Variants in MGAT5 observed in about 807,000 individuals in gnomAD.
MGAT5 encodes the protein alpha-1,6-mannosylglycoprotein 6-beta-N-acetylglucosaminyltransferase A.
Under a neutral mutation model 94.3 loss-of-function variants are expected in MGAT5, and 30 were observed. The observed-to-expected ratio is 0.32, with a 90% CI of 0.24 to 0.43. The LOEUF (loss-of-function observed/expected upper bound fraction) is 0.43, where lower values mean the gene tolerates loss of function less well. MGAT5 is among the 20% of genes least tolerant of loss of function. MGAT5 has a pLI of 1.00. For synonymous variants in MGAT5, 310 were observed against 322.9 expected, an observed-to-expected ratio of 0.96 and a Z score of 0.43; for missense variants, 691 against 905.5, an observed-to-expected ratio of 0.76 and a Z score of 3.04.
At chr2:134,409,103 C>G (rs183127479) in intron 11 of MGAT5, among the ~76,000 whole-genome samples, 1 of 152,136 alleles carries the variant, frequency 6.6e-6, no homozygotes, top group Non-Finnish European at 1.5e-5. Context: ...CTCCTGCACA[C>G]GTAAACTCCG....
intron 1 of MGAT5, among the ~76,000 whole-genome samples, chr2:134,130,584 T>C (rs926049863): frequency 2.6e-4 from 40 of 151,892 alleles, no homozygotes; most frequent in African/African-American, 7.5e-4. Context: ...ATCAGCACTT[T>C]GTATCTAGCT....
At chr2:134,332,127 C>A (rs994760363) in intron 4 of MGAT5, among the ~76,000 whole-genome samples, 9 of 152,056 alleles carry the variant, frequency 5.9e-5, no homozygotes, top group African/African-American at 2.2e-4. Context: ...CCTGCATCAC[C>A]AAGTCAATCC....
intron 1 of MGAT5, among the ~76,000 whole-genome samples, chr2:134,181,580 T>C (rs866476279): frequency 6.6e-6 from 1 of 152,208 alleles, no homozygotes; most frequent in African/African-American, 2.4e-5. Context: ...TTACAATGCA[T>C]GTGCAGTTCT....
Position 134,343,618 on chromosome 2 carries a change from A to G in MGAT5, c.978-1312A>G, listed in dbSNP as rs532689589. Among the ~76,000 whole-genome samples the G allele has an allele frequency of 4.6e-5, 7 of 152,328 alleles. No individual in the cohort carries two copies. The East Asian group carries it at 1.4e-3, about 29-fold the overall frequency. On this transcript the variant is annotated intron_variant, in intron 7 of 15. Coordinates refer to ENST00000281923, the MANE Select transcript of MGAT5 (RefSeq NM_002410.5). ...CCATAGACCATGCCATAGGCTAATT[A>G]GATCACAACCCTTGGGGGTAGGACA...
intron 1 of MGAT5, among the ~76,000 whole-genome samples, chr2:134,136,755 G>T (rs1211416805): frequency 6.6e-6 from 1 of 152,124 alleles, no homozygotes; most frequent in Non-Finnish European, 1.5e-5. Flanking sequence ...GTGTGTTCTA[G>T]ACCCTGCACA....
chr2:134,379,549 G>A (rs1192979677), intron 10 of MGAT5, among the ~76,000 whole-genome samples: 1 of 152,190 alleles, frequency 6.6e-6, no homozygotes, highest in African/African-American at 2.4e-5. Context: ...CAGCCCGCCA[G>A]CACCTGCAAG....
At chr2:134,177,742 A>C (rs1688547252) in intron 1 of MGAT5, among the ~76,000 whole-genome samples, 1 of 152,242 alleles carries the variant, frequency 6.6e-6, no homozygotes, top group African/African-American at 2.4e-5. Context: ...CTCAGAATTA[A>C]TGGCCAGTGC....
chr2:134,223,453 C>T (rs1680893346), intron 1 of MGAT5, among the ~76,000 whole-genome samples: 1 of 152,028 alleles, frequency 6.6e-6, no homozygotes, highest in South Asian at 2.1e-4. Flanking sequence ...GGAAGTAAAA[C>T]ATTTATATTT....
At chr2:134,343,870 G>A (rs1287862905) in intron 7 of MGAT5, among the ~76,000 whole-genome samples, 1 of 150,826 alleles carries the variant, frequency 6.6e-6, no homozygotes, top group Non-Finnish European at 1.5e-5. Flanking sequence ...GGCCAGTTGT[G>A]ACTGAAAATG....
chr2:134,312,210 G>C (rs1014426151), intron 2 of MGAT5, among the ~76,000 whole-genome samples: 1 of 152,120 alleles, frequency 6.6e-6, no homozygotes, highest in African/African-American at 2.4e-5. Context: ...CTCCAACCTA[G>C]GTGACAGAGC....
chr2:134,194,099 A>G (rs890734714), intron 1 of MGAT5, among the ~76,000 whole-genome samples: 3 of 152,144 alleles, frequency 2.0e-5, no homozygotes, highest in Admixed American at 6.5e-5. Flanking sequence ...GGCAATTTGC[A>G]TTTGTTTCTT....
intron 10 of MGAT5, among the ~76,000 whole-genome samples, chr2:134,378,526 T>C (rs531143208): frequency 6.6e-6 from 1 of 152,298 alleles, no homozygotes; most frequent in African/African-American, 2.4e-5. Context: ...CTGTGCTCTT[T>C]TACTGGACAT....
intron 1 of MGAT5, among the ~76,000 whole-genome samples, chr2:134,246,707 G>A (rs376334854): frequency 1.3e-5 from 2 of 152,148 alleles, no homozygotes; most frequent in African/African-American, 4.8e-5. Context: ...CTGAGTTTCC[G>A]CATGCAGCTG....
intron 1 of MGAT5, among the ~76,000 whole-genome samples, chr2:134,266,279 G>A (rs551309408): frequency 6.7e-4 from 102 of 152,150 alleles, no homozygotes; most frequent in Non-Finnish European, 1.2e-3. Flanking sequence ...GGAGTGCAGC[G>A]GTGCAATCTT....
intron 1 of MGAT5, among the ~76,000 whole-genome samples, chr2:134,267,310 G>C (rs1175802275): frequency 1.3e-5 from 2 of 152,206 alleles, no homozygotes; most frequent in Non-Finnish European, 2.9e-5. Flanking sequence ...TAGCCTCTCT[G>C]TGCTGTGATT....
chr2:134,280,308 C>T (rs545060077), intron 2 of MGAT5, among the ~76,000 whole-genome samples: 2 of 152,220 alleles, frequency 1.3e-5, no homozygotes, highest in Admixed American at 6.5e-5. Flanking sequence ...TCACAGCCTC[C>T]TTCTTCTGTA....
intron 2 of MGAT5, among the ~76,000 whole-genome samples, chr2:134,307,745 C>T (rs531403039): frequency 6.6e-6 from 1 of 152,246 alleles, no homozygotes; most frequent in African/African-American, 2.4e-5. Context: ...ATTTGCTGTC[C>T]TGGTAAAACA....
chr2:134,193,010 A>T (rs187559515), intron 1 of MGAT5, among the ~76,000 whole-genome samples: 171 of 152,198 alleles, frequency 1.1e-3, no homozygotes, highest in African/African-American at 3.5e-3. Flanking sequence ...TATTTAATAA[A>T]TTTTTTGTGA....
At chr2:134,259,289 C>T (rs1242140594) in intron 1 of MGAT5, among the ~76,000 whole-genome samples, 3 of 152,184 alleles carry the variant, frequency 2.0e-5, no homozygotes, top group East Asian at 1.9e-4. Flanking sequence ...AGTGACGTCT[C>T]GGGAATTGTG....
Sources: allele counts gnomAD v4.1 joint callset (sites outside exome capture counted in the v4.1 genomes callset), GRCh38; gene constraint gnomAD v4.1.1; transcripts MANE v1.5; gene names NCBI Gene and HGNC (gene_info 2026-07-23, HGNC 2026-07-21).